SIPA1L2: variants seen among roughly 807,000 people sequenced by gnomAD.
SIPA1L2 encodes signal-induced proliferation-associated 1-like protein 2.
SIPA1L2 carries 56 observed loss-of-function variants against 163.9 expected under a neutral mutation model. The ratio of observed to expected loss-of-function variants is 0.34; its 90% confidence interval spans 0.28 to 0.43. The LOEUF is 0.43. Among genes scored for constraint, SIPA1L2 ranks in the 20% least tolerant of loss-of-function variants. The pLI is 1.00. For missense variants in SIPA1L2, 1,974 were observed against 2,193.5 expected (o/e 0.90, Z 2.00); for synonymous variants, 877 against 865.7 (o/e 1.01, Z -0.23).
chr1:232,614,069 G>A (rs1202800280), intron 1 of SIPA1L2, among the ~76,000 whole-genome samples: 1 of 152,150 alleles, frequency 6.6e-6, no homozygotes, highest in East Asian at 1.9e-4. Context: ...TCACCCTCCT[G>A]TAGAAGGCTT....
At chr1:232,462,431 T>C in intron 9 of SIPA1L2, 3 of 1,390,126 alleles carry the variant, frequency 2.2e-6, no homozygotes, top group Non-Finnish European at 2.8e-6. Flanking sequence ...GCTGTGGGAC[T>C]GGGGCTGGTT....
At chr1:232,506,541 A>T (rs1241877698) in intron 3 of SIPA1L2, among the ~76,000 whole-genome samples, 1 of 152,232 alleles carries the variant, frequency 6.6e-6, no homozygotes, top group East Asian at 1.9e-4. Flanking sequence ...ATAATTCCCC[A>T]GCCAAAAAAC....
intron 18 of SIPA1L2, among the ~76,000 whole-genome samples, chr1:232,416,690 A>G (rs1479766472): frequency 1.3e-5 from 2 of 152,228 alleles, no homozygotes; most frequent in East Asian, 3.8e-4. Context: ...GCTTTTATCA[A>G]TACATGAGAT....
intron 3 of SIPA1L2, among the ~76,000 whole-genome samples, chr1:232,500,105 G>T (rs1393828201): frequency 2.0e-5 from 3 of 152,168 alleles, no homozygotes; most frequent in African/African-American, 7.2e-5. Context: ...AGCCTCCCTG[G>T]TTTACTGACT....
chr1:232,540,701 C>T (rs1004195870), intron 2 of SIPA1L2, among the ~76,000 whole-genome samples: 12 of 150,606 alleles, frequency 8.0e-5, no homozygotes, highest in African/African-American at 2.9e-4. Context: ...ACTGAGCCTA[C>T]GGAGAAAGAA....
chr1:232,543,278 C>T (rs1342260471), intron 2 of SIPA1L2, among the ~76,000 whole-genome samples: 1 of 152,194 alleles, frequency 6.6e-6, no homozygotes. Context: ...TACCAAAACA[C>T]TTTTTGTCAT....
At chr1:232,575,616 C>T (rs552307801) in intron 1 of SIPA1L2, among the ~76,000 whole-genome samples, 1 of 151,598 alleles carries the variant, frequency 6.6e-6, no homozygotes, top group African/African-American at 2.4e-5. Context: ...TAGTGGGTAC[C>T]TAAAAAAAAA....
chr1:232,567,180 A>C (rs1196370647), intron 2 of SIPA1L2, among the ~76,000 whole-genome samples: 2 of 152,214 alleles, frequency 1.3e-5, no homozygotes, highest in African/African-American at 4.8e-5. Context: ...TTATTTTTTA[A>C]ATGGAGATAC....
chr1:232,600,112 C>T (rs892603172), intron 1 of SIPA1L2, among the ~76,000 whole-genome samples: 1 of 152,160 alleles, frequency 6.6e-6, no homozygotes, highest in Non-Finnish European at 1.5e-5. Flanking sequence ...GCAGGACCTT[C>T]GGCTTTGCTC....
rs1662915198 is a variant in SIPA1L2, at chr1:232,441,818, C to T, written c.3488G>A (p.Cys1163Tyr). Reference sequence around the variant, plus strand: ...GTCTTCCCTCTCCCTGGCTCCGTCACATTCCAAAGGGCCTGAGCCCTGGTG... The same window carrying T: ...GTCTTCCCTCTCCCTGGCTCCGTCATATTCCAAAGGGCCTGAGCCCTGGTG... Reference protein sequence around the residue: ...LEHQGSGPLECDGAREREDTM... With the variant: ...LEHQGSGPLEYDGAREREDTM... Residue 1163 changes from cysteine to tyrosine, a missense_variant, in exon 13 of 23, where the codon TGT becomes TAT. Coordinates refer to ENST00000674635, the MANE Select transcript of SIPA1L2 (RefSeq NM_020808.5). 1.9e-6 allele frequency: 3 copies of T among 1,613,874 alleles called. No individual in the cohort carries two copies. Among genetic ancestry groups the T allele is most frequent in the East Asian group, 2.2e-5 (1 of 44,866 alleles).
chr1:232,409,257 G>A (rs2102760005), intron 19 of SIPA1L2, among the ~76,000 whole-genome samples: 1 of 152,238 alleles, frequency 6.6e-6, no homozygotes, highest in African/African-American at 2.4e-5. Context: ...TTACTATGAA[G>A]CTTTCTATCC....
intron 1 of SIPA1L2, among the ~76,000 whole-genome samples, chr1:232,608,361 CTT>C (rs776420708): frequency 6.6e-6 from 1 of 152,142 alleles, no homozygotes; most frequent in African/African-American, 2.4e-5. Flanking sequence ...TATTTCACCT[CTT>C]GAGAGGAATG....
At chr1:232,595,289 A>G (rs574825302) in intron 1 of SIPA1L2, among the ~76,000 whole-genome samples, 24 of 152,318 alleles carry the variant, frequency 1.6e-4, no homozygotes, top group African/African-American at 5.1e-4. Flanking sequence ...ATGGGCACAA[A>G]GCCTCGGGGC....
chr1:232,546,840 T>C (rs982130962), intron 2 of SIPA1L2, among the ~76,000 whole-genome samples: 3 of 152,178 alleles, frequency 2.0e-5, no homozygotes, highest in African/African-American at 7.2e-5. Context: ...CAGCCACCTG[T>C]CAGGATGGGG....
intron 1 of SIPA1L2, among the ~76,000 whole-genome samples, chr1:232,611,765 G>A (rs1305259776): frequency 1.3e-5 from 2 of 152,070 alleles, no homozygotes; most frequent in African/African-American, 2.4e-5. Flanking sequence ...TTTGCAGCCG[G>A]ACAATGTGAC....
intron 1 of SIPA1L2, among the ~76,000 whole-genome samples, chr1:232,588,734 C>G (rs1362542923): frequency 6.6e-6 from 1 of 152,150 alleles, no homozygotes; most frequent in Non-Finnish European, 1.5e-5. Context: ...CATATCACAA[C>G]AGATTGAATG....
intron 17 of SIPA1L2, among the ~76,000 whole-genome samples, chr1:232,427,744 G>C (rs947187845): frequency 6.6e-6 from 1 of 152,232 alleles, no homozygotes; most frequent in East Asian, 1.9e-4. Flanking sequence ...AATGACAAAG[G>C]TATGCCACTG....
At chr1:232,595,156 G>T (rs1661186665) in intron 1 of SIPA1L2, among the ~76,000 whole-genome samples, 1 of 152,188 alleles carries the variant, frequency 6.6e-6, no homozygotes. Flanking sequence ...AATAAGTGAT[G>T]TTGCTAGGTT....
chr1:232,441,752 A>C lies in SIPA1L2; in HGVS notation c.3538+16T>G. 6.2e-7 allele frequency: 1 copy of C among 1,608,674 alleles called. No individual in the cohort carries two copies. Among genetic ancestry groups the C allele is most frequent in the Non-Finnish European group, 8.5e-7 (1 of 1,175,520 alleles). Reference sequence around the variant, plus strand: ...GGGGGAGCAAGGGAGGTCAATTTCCAGGAGTTCCTTATTACCCGGGTGCCT... The same window carrying C: ...GGGGGAGCAAGGGAGGTCAATTTCCCGGAGTTCCTTATTACCCGGGTGCCT... On this transcript the variant is annotated intron_variant, in intron 13 of 22. Coordinates refer to ENST00000674635, the MANE Select transcript of SIPA1L2 (RefSeq NM_020808.5).
Sources: gnomAD v4.1 joint callset for allele counts (sites outside exome capture counted in the v4.1 genomes callset) on GRCh38, gnomAD v4.1.1 for gene constraint, MANE v1.5 for transcripts, NCBI Gene and HGNC (gene_info 2026-07-23, HGNC 2026-07-21) for gene names.